PIK3R1: variants seen among roughly 807,000 people sequenced by gnomAD.
PIK3R1 encodes the protein phosphoinositide-3-kinase regulatory subunit 1, also known as phosphatidylinositol 3-kinase regulatory subunit alpha.
In PIK3R1, 29 loss-of-function variants were observed where a neutral mutation model predicts 98.0. The observed-to-expected ratio is 0.30, with a 90% CI of 0.22 to 0.40. PIK3R1 has a LOEUF of 0.40. PIK3R1 is among the 10% of genes least tolerant of loss of function. The pLI is 1.00. For synonymous variants in PIK3R1, 282 were observed against 311.8 expected (o/e 0.90, Z 1.01); for missense variants, 596 against 872.7 (o/e 0.68, Z 3.99).
At chr5:68,225,272 G>A (rs1381842096) in intron 1 of PIK3R1, among the ~76,000 whole-genome samples, 1 of 150,924 alleles carries the variant, frequency 6.6e-6, no homozygotes, top group Non-Finnish European at 1.5e-5. Context: ...GTCCTTGTGA[G>A]CTCTTCCATT....
intron 7 of PIK3R1, 23 bp downstream of exon 7, chr5:68,281,029 C>T (rs1221518367): frequency 6.0e-6 from 9 of 1,488,284 alleles, no homozygotes; most frequent in Non-Finnish European, 8.3e-6. Context: ...GAGCATTTAA[C>T]ATTCTCTCAT....
chr5:68,299,440 G>A lies in PIK3R1; in HGVS notation c.*1839G>A, dbSNP rs1304032623. On this transcript the variant is annotated 3_prime_UTR_variant, in exon 16 of 16. Coordinates refer to ENST00000521381, the MANE Select transcript of PIK3R1 (RefSeq NM_181523.3). Reference sequence around the variant, plus strand: ...ATTGTATGTGCTTCACTACGGGGGGGAGAAGGAAACGTTAGCATCATGTTT... The same window carrying A: ...ATTGTATGTGCTTCACTACGGGGGGAAGAAGGAAACGTTAGCATCATGTTT... 1 of 233,390 alleles carries A rather than the reference G, an allele frequency of 4.3e-6. No individual in the cohort carries two copies. The highest frequency in any genetic ancestry group is 8.5e-6 in the Non-Finnish European group (1 of 118,026). The allele number at this position is 233,390 out of a possible 1,614,324, so 14.5% of individuals were successfully genotyped here.
At chr5:68,292,827 C>A (rs981856800) in intron 8 of PIK3R1, 1 of 982,484 alleles carries the variant, frequency 1.0e-6, no homozygotes, top group East Asian at 3.1e-5. Flanking sequence ...ACCACAGATA[C>A]ACCAATAGTG....
At chr5:68,288,532 C>CG (rs952680086) in intron 7 of PIK3R1, 26 of 1,384,880 alleles carry the variant, frequency 1.9e-5, no homozygotes, top group Non-Finnish European at 2.4e-5. Context: ...CCGAGCCAAG[C>CG]GGAGCTGGGC....
chr5:68,233,829 C>T (rs1188383689), intron 2 of PIK3R1, among the ~76,000 whole-genome samples: 1 of 152,192 alleles, frequency 6.6e-6, no homozygotes, highest in Non-Finnish European at 1.5e-5. Flanking sequence ...CTCCCAATGG[C>T]TTTATACCAC....
chr5:68,279,494 TA>T (rs143902514), intron 4 of PIK3R1, 107 bp from the exon 5 acceptor site: 1 of 788,858 alleles, frequency 1.3e-6, no homozygotes, highest in Non-Finnish European at 1.9e-6. Flanking sequence ...ATTGCTTCCT[TA>T]TTTTTTTTTT....
In PIK3R1 at chr5:68,280,549, A is replaced by G. The variant is rs373220196; in HGVS notation, c.656A>G (p.Tyr219Cys). ...LAPEVQSSEE[Y>C]IQLLKKLIRS... is the part of the protein sequence containing the mutation. ...GTAGAAGTACAAAGCTCCGAAGAAT[A>G]TATTCAGCTATTGAAGAAGCTTATT... The change falls in exon 6 of 16, where the codon TAT becomes TGT. Residue 219 changes from tyrosine to cysteine, a missense_variant. This residue lies in a region of PIK3R1 where 352 missense variants were observed against 393.3 expected (regional missense o/e 0.90). Transcript: ENST00000521381. 8 of 1,610,076 alleles carry G rather than the reference A, an allele frequency of 5.0e-6. No individual in the cohort carries two copies. The African/African-American group carries it at 9.4e-5, about 19-fold the overall frequency.
At chr5:68,273,826 C>A in intron 3 of PIK3R1, 113 bp from the exon 4 acceptor site, 1 of 796,400 alleles carries the variant, frequency 1.3e-6, no homozygotes, top group Non-Finnish European at 2.1e-6. Flanking sequence ...ATATTTGGTA[C>A]ACATCTAGAA....
chr5:68,279,049 G>A (rs1449114616), intron 4 of PIK3R1, among the ~76,000 whole-genome samples: 1 of 152,180 alleles, frequency 6.6e-6, no homozygotes, highest in African/African-American at 2.4e-5. Flanking sequence ...ATGGTCACCT[G>A]CTCACTGCAT....
At chr5:68,235,271 T>C (rs555585984) in intron 2 of PIK3R1, among the ~76,000 whole-genome samples, 19 of 151,982 alleles carry the variant, frequency 1.3e-4, no homozygotes, top group African/African-American at 3.9e-4. Flanking sequence ...GGTGTGATGG[T>C]GCATGCCTGT....
intron 7 of PIK3R1, among the ~76,000 whole-genome samples, chr5:68,281,667 C>T (rs761244191): frequency 1.3e-5 from 2 of 152,190 alleles, no homozygotes; most frequent in Non-Finnish European, 2.9e-5. Context: ...CTAATCGACA[C>T]TGGTCATTTA....
chr5:68,262,864 T>G (rs553757569), intron 2 of PIK3R1, among the ~76,000 whole-genome samples: 8 of 109,362 alleles, frequency 7.3e-5, no homozygotes, highest in East Asian at 2.6e-4. Flanking sequence ...TAGATACATG[T>G]ATACATGTAG....
intron 2 of PIK3R1, among the ~76,000 whole-genome samples, chr5:68,244,182 T>C (rs2112034809): frequency 6.6e-6 from 1 of 152,252 alleles, no homozygotes; most frequent in Middle Eastern, 3.4e-3. Context: ...ACTTGATTTT[T>C]CCCCCCAGTT....
At chr5:68,223,520 G>T (rs1440200776) in intron 1 of PIK3R1, among the ~76,000 whole-genome samples, 3 of 152,080 alleles carry the variant, frequency 2.0e-5, no homozygotes, top group African/African-American at 7.2e-5. Context: ...AGACAGAAAT[G>T]GTGTGTTCTA....
chr5:68,300,260 G>A lies in PIK3R1; in HGVS notation c.*2659G>A, dbSNP rs3756668. On this transcript the variant is annotated 3_prime_UTR_variant, in exon 16 of 16. Coordinates refer to ENST00000521381, the MANE Select transcript of PIK3R1 (RefSeq NM_181523.3). ...ATATGACTTGAGTTACACCAGACCT[G>A]TTCTGCCCAATGCCTTTTTGATTAC... 126,550 of 232,832 alleles carry A rather than the reference G, an allele frequency of 0.54. 38,076 individuals carry two copies. Among genetic ancestry groups the A allele is most frequent in the African/African-American group, 0.89 (40,640 of 45,414 alleles). The allele number at this position is 232,832 out of a possible 1,614,324, so 14.4% of individuals were successfully genotyped here. A position where few individuals can be genotyped will look rare whatever the true frequency, so the allele number is the denominator to read the frequency against.
At position 68,272,540 on chromosome 5, in the gene PIK3R1, A is replaced by G. The variant is rs568290370; in HGVS notation, c.335-850A>G. On this transcript the variant is annotated intron_variant, in intron 2 of 15. Coordinates refer to ENST00000521381, the MANE Select transcript of PIK3R1 (RefSeq NM_181523.3). ...TAATTTGAGAATTTTTTTGCTTACA[A>G]TGGTCTTATTTATTTTTTTTGGACT... Among the ~76,000 whole-genome samples, 4 of 152,260 alleles carry G rather than the reference A, an allele frequency of 2.6e-5. No individual in the cohort carries two copies. In the South Asian group the frequency reaches 8.3e-4, roughly 32 times the overall value.
At chr5:68,262,560 T>C (rs931758091) in intron 2 of PIK3R1, among the ~76,000 whole-genome samples, 2 of 146,682 alleles carry the variant, frequency 1.4e-5, no homozygotes, top group African/African-American at 2.5e-5. Context: ...TGTATACATG[T>C]ATACACATGT....
intron 1 of PIK3R1, among the ~76,000 whole-genome samples, chr5:68,223,601 GTTC>G (rs1233507716): frequency 1.3e-5 from 2 of 152,194 alleles, no homozygotes; most frequent in Non-Finnish European, 2.9e-5. Context: ...TCTGCACAGG[GTTC>G]TTCTTACCCA....
At chr5:68,283,936 C>T (rs1292666927) in intron 7 of PIK3R1, among the ~76,000 whole-genome samples, 1 of 152,162 alleles carries the variant, frequency 6.6e-6, no homozygotes, top group African/African-American at 2.4e-5. Context: ...GAAATTAGCC[C>T]CCATGGGTCA....
Sources: allele counts gnomAD v4.1 joint callset (sites outside exome capture counted in the v4.1 genomes callset), GRCh38; gene constraint gnomAD v4.1.1; regional missense constraint gnomAD v4.1.1; transcripts MANE v1.5; gene names NCBI Gene and HGNC (gene_info 2026-07-23, HGNC 2026-07-21).